Variants in PCMT1 observed in about 807,000 individuals in gnomAD.
PCMT1 encodes the protein protein-L-isoaspartate (D-aspartate) O-methyltransferase.
A neutral mutation model predicts 29.2 loss-of-function variants in PCMT1; 9 were observed. The ratio of observed to expected loss-of-function variants is 0.31; its 90% confidence interval spans 0.19 to 0.54. The LOEUF (loss-of-function observed/expected upper bound fraction) is 0.54, where lower values mean the gene tolerates loss of function less well. PCMT1 is among the 20% of genes least tolerant of loss of function. The pLI, the probability that PCMT1 is intolerant of heterozygous loss-of-function variation, is 0.95. For missense variants in PCMT1, 184 were observed against 282.2 expected (o/e 0.65, Z 2.49); for synonymous variants, 98 against 97.5 (o/e 1.00, Z -0.03).
At chr6:149,775,015 T>C (rs762071817) in intron 3 of PCMT1, among the ~76,000 whole-genome samples, 86 of 152,180 alleles carry the variant, frequency 5.7e-4, no homozygotes, top group Non-Finnish European at 8.8e-4. Flanking sequence ...CCTTAACTTT[T>C]TGTATTTTTA....
intron 6 of PCMT1, among the ~76,000 whole-genome samples, chr6:149,799,381 A>T (rs912407160): frequency 6.6e-6 from 1 of 152,236 alleles, no homozygotes; most frequent in Non-Finnish European, 1.5e-5. Context: ...TCAGAAAGGC[A>T]TCAGACTGCA....
At position 149,787,462 on chromosome 6, in the gene PCMT1, G is replaced by T. The variant is rs1160562477; in HGVS notation, c.193-2492G>T. Among the ~76,000 whole-genome samples the T allele has an allele frequency of 3.3e-5, 5 of 151,996 alleles. No individual in the cohort carries two copies. In the South Asian group the frequency reaches 8.3e-4, roughly 25 times the overall value. On this transcript the variant is annotated intron_variant, in intron 3 of 7. Coordinates refer to ENST00000464889, the MANE Select transcript of PCMT1 (RefSeq NM_001360452.2). ...GCTCACTGCAACATCCACCTCCCGGGTTCAAGCGATTCTCCTGCTTCAGCT... is the reference window on the plus strand; with the variant it reads ...GCTCACTGCAACATCCACCTCCCGGTTTCAAGCGATTCTCCTGCTTCAGCT...
intron 3 of PCMT1, among the ~76,000 whole-genome samples, chr6:149,789,663 T>C (rs991157637): frequency 1.3e-5 from 2 of 152,100 alleles, no homozygotes; most frequent in South Asian, 4.1e-4. Flanking sequence ...TGGTTGGAAA[T>C]GGGAGTAGGG....
chr6:149,780,261 A>G (rs1787760318), intron 3 of PCMT1, among the ~76,000 whole-genome samples: 1 of 151,514 alleles, frequency 6.6e-6, no homozygotes, highest in Non-Finnish European at 1.5e-5. Flanking sequence ...GGATTGCTTG[A>G]GCCTGGGAGA....
intron 1 of PCMT1, among the ~76,000 whole-genome samples, chr6:149,758,957 A>C (rs1200399614): frequency 1.3e-5 from 2 of 151,922 alleles, no homozygotes; most frequent in Non-Finnish European, 2.9e-5. Context: ...GCTCACGACA[A>C]CCTCCACCTT....
intron 7 of PCMT1, chr6:149,810,243 A>C (rs187082941): frequency 6.0e-6 from 1 of 167,874 alleles, no homozygotes; most frequent in Non-Finnish European, 1.3e-5. Flanking sequence ...AATTTTGTGA[A>C]TGTAACTATC....
intron 1 of PCMT1, among the ~76,000 whole-genome samples, chr6:149,760,452 G>A (rs1786689730): frequency 6.6e-6 from 1 of 152,078 alleles, no homozygotes; most frequent in African/African-American, 2.4e-5. Context: ...TTGTTGCTCT[G>A]CTCTTTCCCT....
At chr6:149,755,428 A>G (rs1195615377) in intron 1 of PCMT1, among the ~76,000 whole-genome samples, 1 of 148,006 alleles carries the variant, frequency 6.8e-6, no homozygotes, top group African/African-American at 2.5e-5. Context: ...CTTTGTCTCA[A>G]AAAAAAAAAA....
At position 149,756,512 on chromosome 6, in the gene PCMT1, C is replaced by CTATTTTTTT. The variant is rs1407016123; in HGVS notation, c.55+6557_55+6558insATTTTTTTT. 1.1e-4 allele frequency among the ~76,000 whole-genome samples: 8 copies of CTATTTTTTT among 74,720 alleles called. 2 individuals carry two copies. The highest frequency in any genetic ancestry group is 4.3e-4 in the African/African-American group (8 of 18,610). The allele number at this position is 74,720 out of a possible 152,430, so 49.0% of individuals were successfully genotyped here. On this transcript the variant is annotated intron_variant, in intron 1 of 7. Coordinates refer to ENST00000464889, the MANE Select transcript of PCMT1 (RefSeq NM_001360452.2). ...TACAGATGCACACCACCATGACTGGCTTTTTTTTTTTTTTTTTTTTTTTTT... is the reference window on the plus strand; with the variant it reads ...TACAGATGCACACCACCATGACTGGCTATTTTTTTTTTTTTTTTTTTTTTTTTTTTTTTT...
intron 3 of PCMT1, among the ~76,000 whole-genome samples, chr6:149,775,150 A>G (rs533479052): frequency 2.8e-4 from 43 of 152,204 alleles, no homozygotes; most frequent in Non-Finnish European, 5.6e-4. Context: ...TGGCCAGAAC[A>G]ATAACTTTTC....
At chr6:149,759,987 A>G (rs2115209926) in intron 1 of PCMT1, among the ~76,000 whole-genome samples, 1 of 152,258 alleles carries the variant, frequency 6.6e-6, no homozygotes, top group South Asian at 2.1e-4. Context: ...ATTTTCATTG[A>G]TACCATCCCA....
At chr6:149,787,614 C>T (rs1365098127) in intron 3 of PCMT1, among the ~76,000 whole-genome samples, 1 of 152,066 alleles carries the variant, frequency 6.6e-6, no homozygotes, top group Non-Finnish European at 1.5e-5. Context: ...CTGCCCGCCT[C>T]GGCCTCTCAA....
At chr6:149,795,997 C>T (rs574573780) in intron 5 of PCMT1, among the ~76,000 whole-genome samples, 141 of 152,218 alleles carry the variant, frequency 9.3e-4, no homozygotes, top group African/African-American at 3.3e-3. Flanking sequence ...TATCCTTAAT[C>T]TGTTCACAGA....
chr6:149,786,060 G>A (rs1393795532), intron 3 of PCMT1, among the ~76,000 whole-genome samples: 1 of 147,564 alleles, frequency 6.8e-6, no homozygotes, highest in Non-Finnish European at 1.5e-5. Flanking sequence ...CTCCCTCCCG[G>A]ACGGGGTGGC....
intron 6 of PCMT1, among the ~76,000 whole-genome samples, chr6:149,799,835 G>GA (rs1419062726): frequency 6.6e-6 from 1 of 152,116 alleles, no homozygotes; most frequent in Non-Finnish European, 1.5e-5. Flanking sequence ...ACAATGATTG[G>GA]ATACTTCTTG....
In PCMT1 at chr6:149,750,485, T is replaced by C. The variant is rs1230931169; in HGVS notation, c.55+529T>C. Among the ~76,000 whole-genome samples, 3 of 152,140 alleles carry C rather than the reference T, an allele frequency of 2.0e-5. No individual in the cohort carries two copies. In the East Asian group the frequency reaches 5.8e-4, roughly 29 times the overall value. On this transcript the variant is annotated intron_variant, in intron 1 of 7. Transcript: ENST00000464889. ...CCTGGAGGGAGATGCCACCGTCTGATACAGGCGAGGGGAGGAAGATGAGAG... is the reference window on the plus strand; with the variant it reads ...CCTGGAGGGAGATGCCACCGTCTGACACAGGCGAGGGGAGGAAGATGAGAG...
At chr6:149,790,709 C>T (rs1562418423) in intron 4 of PCMT1, among the ~76,000 whole-genome samples, 1 of 151,770 alleles carries the variant, frequency 6.6e-6, no homozygotes, top group Non-Finnish European at 1.5e-5. Flanking sequence ...GCTGGAGGCT[C>T]CTTAAAACCT....
chr6:149,796,309 T>C (rs1291040259), intron 5 of PCMT1, 106 bp from the exon 6 acceptor site: 9 of 609,498 alleles, frequency 1.5e-5, no homozygotes, highest in Admixed American at 1.4e-4. Context: ...CCAGGATCAT[T>C]TATTGAAAAA....
At position 149,771,462 on chromosome 6, in the gene PCMT1, TATATA is replaced by T. The variant is rs561980906; in HGVS notation, c.160+201_160+205del. ...TATGTTTTTCTGTTTTCTCGAACAA[TATATA>T]ATATGTATAAAGAATTAAAAACATT... On this transcript the variant is annotated intron_variant, in intron 2 of 7. Transcript: ENST00000464889. Among the ~76,000 whole-genome samples the T allele has an allele frequency of 5.3e-5, 8 of 152,316 alleles. No homozygotes were observed. The East Asian group carries it at 1.3e-3, about 26-fold the overall frequency.
Sources: allele counts gnomAD v4.1 joint callset (sites outside exome capture counted in the v4.1 genomes callset), GRCh38; gene constraint gnomAD v4.1.1; transcripts MANE v1.5; gene names NCBI Gene and HGNC (gene_info 2026-07-23, HGNC 2026-07-21).